Variants in NALF1 observed in about 807,000 individuals in gnomAD.
The protein encoded by NALF1 is NALCN channel auxiliary factor 1.
NALF1 carries 3 observed loss-of-function variants against 48.4 expected under a neutral mutation model. The observed-to-expected ratio is 0.06, with a 90% CI of 0.03 to 0.16. NALF1 has a LOEUF of 0.16. Ranked by LOEUF, NALF1 falls within the 10% of genes least tolerant of loss-of-function variation. The pLI is 1.00. For missense variants in NALF1, 526 were observed against 571.5 expected, an observed-to-expected ratio of 0.92 and a Z score of 0.81; for synonymous variants, 262 against 245.7, an observed-to-expected ratio of 1.07 and a Z score of -0.62.
Position 107,558,884 on chromosome 13 carries a change from C to T in NALF1, c.915+306798G>A, listed in dbSNP as rs537820546. Among the ~76,000 whole-genome samples the T allele has an allele frequency of 3.9e-5, 6 of 152,174 alleles. No homozygotes were observed. The East Asian group carries it at 1.2e-3, about 29-fold the overall frequency. ...GCTGGGACATCCATCTTTCCTTGTC[C>T]TCAGATGTCAATGCTCCCAGTTCTT... On this transcript the variant is annotated intron_variant, in intron 1 of 2. Coordinates refer to ENST00000375915, the MANE Select transcript of NALF1 (RefSeq NM_001080396.3).
chr13:107,424,455 T>A (rs1454272994), intron 1 of NALF1, among the ~76,000 whole-genome samples: 1 of 152,162 alleles, frequency 6.6e-6, no homozygotes, highest in East Asian at 1.9e-4. Context: ...TTCCTTATAA[T>A]CAATGTAAAC....
intron 1 of NALF1, among the ~76,000 whole-genome samples, chr13:107,437,842 T>A (rs1884487639): frequency 6.6e-6 from 1 of 152,230 alleles, no homozygotes; most frequent in African/African-American, 2.4e-5. Context: ...TCATTTAATA[T>A]ACATTTTACC....
At chr13:107,265,306 T>G (rs1270242239) in intron 1 of NALF1, among the ~76,000 whole-genome samples, 1 of 152,222 alleles carries the variant, frequency 6.6e-6, no homozygotes, top group Admixed American at 6.5e-5. Context: ...AATTTGGTTA[T>G]TATTAATATT....
At chr13:107,539,743 T>C (rs769892058) in intron 1 of NALF1, among the ~76,000 whole-genome samples, 1 of 152,150 alleles carries the variant, frequency 6.6e-6, no homozygotes, top group Non-Finnish European at 1.5e-5. Flanking sequence ...CTCTTTGAAA[T>C]GTTCTAAATC....
intron 1 of NALF1, among the ~76,000 whole-genome samples, chr13:107,761,010 T>C (rs1045900929): frequency 6.6e-6 from 1 of 152,162 alleles, no homozygotes; most frequent in African/African-American, 2.4e-5. Flanking sequence ...GAGTTTTCAC[T>C]AACAGACTTC....
In NALF1 at chr13:107,318,619, C is replaced by T. The variant is rs1399362005; in HGVS notation, c.916-107864G>A. On this transcript the variant is annotated intron_variant, in intron 1 of 2. Transcript: ENST00000375915. ...ATTGTGGTGGGACTAGAAACTGGGG[C>T]TGCCTCTTGATAGCGCAACTTGGAA... Among the ~76,000 whole-genome samples the T allele has an allele frequency of 2.0e-5, 3 of 152,024 alleles. No individual in the cohort carries two copies. The South Asian group carries it at 6.2e-4, about 32-fold the overall frequency.
At chr13:107,663,200 G>A (rs1880772711) in intron 1 of NALF1, among the ~76,000 whole-genome samples, 1 of 152,176 alleles carries the variant, frequency 6.6e-6, no homozygotes, top group Non-Finnish European at 1.5e-5. Flanking sequence ...CTTGAAGAAT[G>A]TTCAACTGTG....
chr13:107,866,471 C>G lies in NALF1; in HGVS notation c.126G>C (p.Leu42=). The G allele has an allele frequency of 2.5e-6, 4 of 1,614,130 alleles. No individual in the cohort carries two copies. Among genetic ancestry groups the G allele is most frequent in the Non-Finnish European group, 3.4e-6 (4 of 1,180,016 alleles). The change falls in exon 1 of 3, where the codon CTG becomes CTC. Residue 42 remains leucine, a synonymous_variant. Coordinates refer to ENST00000375915, the MANE Select transcript of NALF1 (RefSeq NM_001080396.3). This position sits in a 1 kb window ranked among gnomAD's most constrained non-coding sequence, Gnocchi z 4.4. ...GGACTGTGAAAAACAAGAGAGATGC[C>G]AGAGACAGTCGCCATTTCTGAGCCC... The part of the protein sequence containing the change: ...SERAQKWRLS[L]ASLLFFTVLL...
intron 1 of NALF1, among the ~76,000 whole-genome samples, chr13:107,494,329 C>A (rs1016343862): frequency 1.3e-5 from 2 of 152,126 alleles, no homozygotes; most frequent in Non-Finnish European, 2.9e-5. Context: ...ACATTAATAG[C>A]TCCAAATAGA....
intron 1 of NALF1, among the ~76,000 whole-genome samples, chr13:107,759,853 C>G (rs1566471509): frequency 1.3e-5 from 2 of 152,202 alleles, no homozygotes; most frequent in South Asian, 2.1e-4. Flanking sequence ...TTGTCCCCCC[C>G]ATCCTCCAGC....
At chr13:107,631,838 A>G (rs964386363) in intron 1 of NALF1, among the ~76,000 whole-genome samples, 1 of 152,030 alleles carries the variant, frequency 6.6e-6, no homozygotes, top group Non-Finnish European at 1.5e-5. Flanking sequence ...GTACCTTTTT[A>G]TTTTTCAAAG....
chr13:107,519,704 A>G (rs1233104617), intron 1 of NALF1, among the ~76,000 whole-genome samples: 2 of 152,220 alleles, frequency 1.3e-5, no homozygotes, highest in African/African-American at 4.8e-5. Flanking sequence ...ATGAAATTAA[A>G]TCTACCTGAC....
At chr13:107,437,798 A>T (rs544240736) in intron 1 of NALF1, among the ~76,000 whole-genome samples, 1 of 152,340 alleles carries the variant, frequency 6.6e-6, no homozygotes, top group Admixed American at 6.5e-5. Context: ...ACATTTGTCA[A>T]AATACAGTAT....
intron 1 of NALF1, among the ~76,000 whole-genome samples, chr13:107,250,820 C>T (rs151180908): frequency 2.6e-4 from 40 of 152,210 alleles, no homozygotes; most frequent in African/African-American, 9.6e-4. Flanking sequence ...TTCCCCCTTG[C>T]TATTCTTGGC....
intron 1 of NALF1, among the ~76,000 whole-genome samples, chr13:107,406,049 T>C (rs1883892604): frequency 6.6e-6 from 1 of 152,046 alleles, no homozygotes; most frequent in African/African-American, 2.4e-5. Flanking sequence ...TCACCACCAC[T>C]ACCTAGAACC....
intron 1 of NALF1, among the ~76,000 whole-genome samples, chr13:107,461,679 G>C (rs1884920708): frequency 6.6e-6 from 1 of 152,068 alleles, no homozygotes; most frequent in Admixed American, 6.5e-5. Context: ...TTTTCACATG[G>C]TGCTGTCTTC....
chr13:107,657,201 A>G (rs1387920609), intron 1 of NALF1, among the ~76,000 whole-genome samples: 2 of 152,282 alleles, frequency 1.3e-5, no homozygotes, highest in East Asian at 3.9e-4. Flanking sequence ...AATTTAAGTT[A>G]CATTTTCAGT....
At chr13:107,187,274 G>A (rs1377996914) in intron 2 of NALF1, among the ~76,000 whole-genome samples, 1 of 152,152 alleles carries the variant, frequency 6.6e-6, no homozygotes, top group African/African-American at 2.4e-5. Context: ...CCAGAGAGAA[G>A]GTCACTGGGG....
intron 1 of NALF1, among the ~76,000 whole-genome samples, chr13:107,643,803 C>A (rs911365239): frequency 3.3e-5 from 5 of 152,162 alleles, no homozygotes; most frequent in Non-Finnish European, 5.9e-5. Context: ...CAAACTAAAT[C>A]CCTTTGTGCA....
Sources: allele counts gnomAD v4.1 joint callset (sites outside exome capture counted in the v4.1 genomes callset), GRCh38; gene constraint gnomAD v4.1.1; non-coding constraint Gnocchi (gnomAD v3.1); transcripts MANE v1.5; gene names NCBI Gene and HGNC (gene_info 2026-07-23, HGNC 2026-07-21).